The following ATP6AP2 variants were observed in gnomAD, a reference collection of about 807,000 sequenced individuals.
ATP6AP2 encodes the protein renin receptor.
ATP6AP2 carries 1 observed loss-of-function variant against 23.4 expected under a neutral mutation model. That is an observed-to-expected ratio of 0.04 (90% confidence interval 0.02 to 0.20). The LOEUF is 0.20. Ranked by LOEUF, ATP6AP2 falls within the 10% of genes least tolerant of loss-of-function variation. ATP6AP2 has a pLI of 1.00. For missense variants in ATP6AP2, 174 were observed against 271.3 expected, an observed-to-expected ratio of 0.64 and a Z score of 2.52; for synonymous variants, 90 against 97.1, an observed-to-expected ratio of 0.93 and a Z score of 0.43.
At chrX:40,600,698 G>T (rs1346025093) in intron 7 of ATP6AP2, 64 bp from the exon 8 acceptor site, 1 of 1,073,826 alleles carries the variant, frequency 9.3e-7, no homozygotes, top group Non-Finnish European at 1.3e-6. Context: ...ATTTTAATTT[G>T]TTAATTAAAA....
rs151155414 is a variant in ATP6AP2 at position 40,586,053 on chromosome X, C to T, written c.38-2933C>T. On this transcript the variant is annotated intron_variant, in intron 1 of 8. Transcript: ENST00000636580. The stretch of plus-strand genomic sequence containing the variant: ...AGTTATAGAATGGGAGTGCCTTGAG[C>T]GTATTTTTATGCTGAAGTGAAAGGG... Among the ~76,000 whole-genome samples, 1,087 of 110,157 alleles carry T rather than the reference C, an allele frequency of 9.9e-3. 12 individuals are homozygous for T. The highest frequency in any genetic ancestry group is 0.034 in the African/African-American group (1,031 of 30,246).
At chrX:40,583,367 TGCCTCCCAGG>T (rs1276058486) in intron 1 of ATP6AP2, among the ~76,000 whole-genome samples, 32 of 111,113 alleles carry the variant, frequency 2.9e-4, no homozygotes, top group African/African-American at 1.0e-3. Flanking sequence ...CCATGGGAGG[TGCCTCCCAGG>T]GCTAATGTGT....
intron 2 of ATP6AP2, chrX:40,590,883 G>A (rs1220466783): frequency 8.2e-5 from 18 of 220,487 alleles, no homozygotes. Flanking sequence ...AAAAAATGAT[G>A]TGGGGGAAGA....
chrX:40,605,496 G>C (rs771473157), intron 8 of ATP6AP2, 65 bp from the exon 9 acceptor site: 1 of 960,273 alleles, frequency 1.0e-6, no homozygotes, highest in South Asian at 2.0e-5. Context: ...ACAGTCACTA[G>C]ACTGGGATAA....
At chrX:40,591,918 A>G (rs1926641156) in intron 3 of ATP6AP2, 1 of 122,753 alleles carries the variant, frequency 8.1e-6, no homozygotes, top group African/African-American at 3.2e-5. Flanking sequence ...AGGGGGTGAT[A>G]TACACAGGTG....
intron 8 of ATP6AP2, among the ~76,000 whole-genome samples, chrX:40,602,913 C>CTTT (rs1351897356): frequency 6.6e-5 from 3 of 45,221 alleles, no homozygotes; most frequent in East Asian, 8.6e-4. Context: ...CCAGAGAATT[C>CTTT]TTTTTTTTTT....
Position 40,598,697 on chromosome X carries a change from T to C in ATP6AP2, c.551T>C (p.Leu184Pro). The change falls in exon 6 of 9, where the codon CTT becomes CCT. Residue 184 changes from leucine (L) to proline (P), a missense_variant. By Grantham distance (98) the Leu-to-Pro change is moderately conservative. Transcript: ENST00000636580. ...TCTCTGAAGGTTGACCTGCTCTTTC[T>C]TTCTGAACTGCAAGTGCTACATGAT... The part of the protein sequence containing the change: ...SRNNEVDLLF[L>P]SELQVLHDIS... 1 of 1,210,883 alleles carries C rather than the reference T, an allele frequency of 8.3e-7. No individual in the cohort carries two copies. Among genetic ancestry groups the C allele is most frequent in the Non-Finnish European group, 1.1e-6 (1 of 895,065 alleles).
chrX:40,584,332 C>T (rs918677425), intron 1 of ATP6AP2, among the ~76,000 whole-genome samples: 14 of 106,464 alleles, frequency 1.3e-4, no homozygotes, highest in African/African-American at 4.1e-4. Context: ...TGGGATTACA[C>T]GCAGGTGTGA....
chrX:40,598,414 G>A, intron 5 of ATP6AP2: 1 of 372,193 alleles, frequency 2.7e-6, no homozygotes, highest in South Asian at 3.9e-5. Context: ...AACCACTGGA[G>A]AACTTGGATG....
Position 40,597,128 on chromosome X carries a change from T to C in ATP6AP2, c.301-121T>C, listed in dbSNP as rs774863696. ...GGCTTGTTTGGAAATGATTTCGGGCTTCTAAATTTCCATAGAAAGTGCTGG... is the reference window on the plus strand; with the variant it reads ...GGCTTGTTTGGAAATGATTTCGGGCCTCTAAATTTCCATAGAAAGTGCTGG... On this transcript the variant is annotated intron_variant, in intron 3 of 8. Transcript: ENST00000636580. 16 of 576,754 alleles carry C rather than the reference T, an allele frequency of 2.8e-5. No homozygotes were observed. The East Asian group carries it at 5.4e-4, about 19-fold the overall frequency. The allele number at this position is 576,754 out of a possible 1,213,427, so 47.5% of individuals were successfully genotyped here.
chrX:40,606,627 A>G lies in ATP6AP2; in HGVS notation c.*872A>G, dbSNP rs925038571. The G allele has an allele frequency of 8.9e-6, 1 of 112,335 alleles. No homozygotes were observed. The highest frequency in any genetic ancestry group is 9.5e-5 in the Admixed American group (1 of 10,518). The allele number at this position is 112,335 out of a possible 1,213,427, so 9.3% of individuals were successfully genotyped here. On this transcript the variant is annotated 3_prime_UTR_variant, in exon 9 of 9. Coordinates refer to ENST00000636580, the MANE Select transcript of ATP6AP2 (RefSeq NM_005765.3). ...TCAAGAGTGACAAATAAAGTTAATG[A>G]TGATTCCAAATTTGTGTCATTGCAG...
At chrX:40,605,517 T>C (rs774592651) in intron 8 of ATP6AP2, 44 bp from the exon 9 acceptor site, 1 of 1,082,153 alleles carries the variant, frequency 9.2e-7, no homozygotes, top group East Asian at 3.0e-5. Context: ...TTTCCTATTT[T>C]AAAATTCTTC....
rs768610894 is a variant in ATP6AP2 at position 40,602,185 on chromosome X, G to A, written c.858+1304G>A. Among the ~76,000 whole-genome samples the A allele has an allele frequency of 8.4e-4, 84 of 100,471 alleles. 23 individuals are homozygous for A. Among genetic ancestry groups the A allele is most frequent in the African/African-American group, 3.5e-3 (77 of 21,940 alleles). The allele number at this position is 100,471 out of a possible 115,157, so 87.2% of individuals were successfully genotyped here. ...TAATCCCAGCTACTTGGAAGGCTGA[G>A]GCAGGAGAATTGCTTGTACCCGGGA... is the stretch of plus-strand genomic sequence containing the variant. On this transcript the variant is annotated intron_variant, in intron 8 of 8. Coordinates refer to ENST00000636580, the MANE Select transcript of ATP6AP2 (RefSeq NM_005765.3).
At chrX:40,602,231 A>G (rs766052584) in intron 8 of ATP6AP2, among the ~76,000 whole-genome samples, 1 of 99,218 alleles carries the variant, frequency 1.0e-5, no homozygotes, top group African/African-American at 4.6e-5. Context: ...GCAGTGAGCC[A>G]AGATTGCACC....
In ATP6AP2 at chrX:40,581,110, G is replaced by A. The variant is rs1455391337; in HGVS notation, c.37+8G>A. 8.6e-7 allele frequency: 1 copy of A among 1,159,828 alleles called. No homozygotes were observed. The highest frequency in any genetic ancestry group is 1.1e-6 in the Non-Finnish European group (1 of 870,498). ...TCCTGGCGTTGGTGGCGGGTGAGGA[G>A]CCGGGGGCCGGCAGGACGTGCCTGG... On this transcript the variant is annotated splice_region_variant and intron_variant, in intron 1 of 8. Coordinates refer to ENST00000636580, the MANE Select transcript of ATP6AP2 (RefSeq NM_005765.3).
intron 2 of ATP6AP2, 85 bp downstream of exon 2, chrX:40,589,201 C>T (rs188688653): frequency 2.1e-5 from 22 of 1,055,979 alleles, no homozygotes; most frequent in African/African-American, 1.7e-4. Context: ...AAGCATCAAA[C>T]GAACGTAGGT....
In ATP6AP2 at chrX:40,580,972, G is replaced by T. The variant is rs1415330894; in HGVS notation, c.-94G>T. The T allele has an allele frequency of 9.3e-7, 1 of 1,073,675 alleles. No individual in the cohort carries two copies. The highest frequency in any genetic ancestry group is 2.6e-5 in the Admixed American group (1 of 38,671). The allele number at this position is 1,073,675 out of a possible 1,213,427, so 88.5% of individuals were successfully genotyped here. On this transcript the variant is annotated 5_prime_UTR_variant, in exon 1 of 9. Coordinates refer to ENST00000636580, the MANE Select transcript of ATP6AP2 (RefSeq NM_005765.3). The stretch of plus-strand genomic sequence containing the variant: ...GGACGGGACCCGGGAGCCTGGACGA[G>T]TCCGAGCGCGTCACCTCCTCACGCT...
rs1050709608 is a variant in ATP6AP2 at position 40,606,018 on chromosome X, T to A, written c.*263T>A. 2 of 317,837 alleles carry A rather than the reference T, an allele frequency of 6.3e-6. No homozygotes were observed. Among genetic ancestry groups the A allele is most frequent in the African/African-American group, 5.3e-5 (2 of 37,962 alleles). 26.2% of individuals were successfully genotyped at this position (317,837 alleles called of 1,213,427 possible). The stretch of plus-strand genomic sequence containing the variant: ...ATAACATTGATTTCATTCTGTTTAA[T>A]GAATTTGGAAATATGCACTGAAAGA... On this transcript the variant is annotated 3_prime_UTR_variant, in exon 9 of 9. Transcript: ENST00000636580.
Position 40,589,123 on chromosome X carries a change from A to G in ATP6AP2, c.168+7A>G, listed in dbSNP as rs2146538326. ...GGGCTTCTCTGTGAAAGAAGTATGT[A>G]TATATTTTTTAAATGTTTGGAGCTG... On this transcript the variant is annotated splice_region_variant and intron_variant, in intron 2 of 8. Coordinates refer to ENST00000636580, the MANE Select transcript of ATP6AP2 (RefSeq NM_005765.3). 2.5e-6 allele frequency: 3 copies of G among 1,208,069 alleles called. No individual in the cohort carries two copies. Among genetic ancestry groups the G allele is most frequent in the Non-Finnish European group, 2.2e-6 (2 of 893,711 alleles).
Sources: gnomAD v4.1 joint callset for allele counts (sites outside exome capture counted in the v4.1 genomes callset) on GRCh38, gnomAD v4.1.1 for gene constraint, MANE v1.5 for transcripts, NCBI Gene and HGNC (gene_info 2026-07-23, HGNC 2026-07-21) for gene names.